OPHN1: variants seen among roughly 807,000 people sequenced by gnomAD.
OPHN1 encodes oligophrenin-1.
OPHN1 carries 11 observed loss-of-function variants against 60.7 expected under a neutral mutation model. That is an observed-to-expected ratio of 0.18 (90% CI 0.11 to 0.30). The LOEUF (loss-of-function observed/expected upper bound fraction) is 0.30. OPHN1 is among the 10% of genes least tolerant of loss of function. OPHN1 has a pLI of 1.00. For synonymous variants in OPHN1, 226 were observed against 222.6 expected (o/e 1.02, Z -0.14); for missense variants, 449 against 611.0 (o/e 0.73, Z 2.80).
chrX:68,115,839 C>T (rs1355260481), intron 16 of OPHN1, among the ~76,000 whole-genome samples: 4 of 111,952 alleles, frequency 3.6e-5, no homozygotes, highest in Non-Finnish European at 7.5e-5. Flanking sequence ...TGGCCTGTGA[C>T]ACAGCCCTCA....
intron 21 of OPHN1, among the ~76,000 whole-genome samples, chrX:68,061,871 G>A (rs1177113284): frequency 1.8e-5 from 2 of 111,439 alleles, no homozygotes; most frequent in Non-Finnish European, 3.8e-5. Context: ...TCCGCACACT[G>A]AATAGCTTTT....
chrX:68,171,236 T>A (rs2077389491), intron 15 of OPHN1, among the ~76,000 whole-genome samples: 1 of 110,815 alleles, frequency 9.0e-6, no homozygotes, highest in African/African-American at 3.3e-5. Context: ...ATGTAACTCA[T>A]AAATATATAT....
At chrX:68,423,314 C>T (rs1352395147) in intron 2 of OPHN1, among the ~76,000 whole-genome samples, 1 of 111,757 alleles carries the variant, frequency 8.9e-6, no homozygotes, top group Non-Finnish European at 1.9e-5. Context: ...CATGAGCCAC[C>T]GCGCCCAGCC....
At chrX:68,205,449 A>AAAT (rs758442874) in intron 10 of OPHN1, among the ~76,000 whole-genome samples, 10,120 of 109,081 alleles carry the variant, frequency 0.093, 1,326 homozygotes, top group African/African-American at 0.33. Flanking sequence ...GCTCCATCGC[A>AAAT]AATAATAATA....
At chrX:68,258,311 C>T (rs2077874761) in intron 5 of OPHN1, among the ~76,000 whole-genome samples, 1 of 106,133 alleles carries the variant, frequency 9.4e-6, no homozygotes, top group South Asian at 4.4e-4. Context: ...AGGTTAGTTC[C>T]ATATGTATAC....
chrX:68,206,532 A>T, intron 10 of OPHN1, 41 bp downstream of exon 10: 1 of 957,838 alleles, frequency 1.0e-6, no homozygotes, highest in Non-Finnish European at 1.5e-6. Flanking sequence ...AGAAACAGTC[A>T]TAGATCCATT....
intron 5 of OPHN1, among the ~76,000 whole-genome samples, chrX:68,267,933 G>C (rs1029117582): frequency 8.9e-6 from 1 of 111,873 alleles, no homozygotes; most frequent in Non-Finnish European, 1.9e-5. Context: ...AGAAAATCTA[G>C]AAGAAATGGA....
intron 8 of OPHN1, 67 bp from the exon 9 acceptor site, chrX:68,210,349 CA>C (rs2077579326): frequency 1.8e-6 from 2 of 1,086,601 alleles, no homozygotes; most frequent in Admixed American, 2.4e-5. Flanking sequence ...ATTTCTTGGT[CA>C]GAGACTCAGT....
chrX:68,211,653 G>C (rs1039438583), intron 8 of OPHN1, among the ~76,000 whole-genome samples: 1 of 112,394 alleles, frequency 8.9e-6, no homozygotes. Context: ...AAAGAAGGTA[G>C]AGAAAACCTT....
At chrX:68,217,660 C>G (rs1201399520) in intron 6 of OPHN1, among the ~76,000 whole-genome samples, 1 of 110,638 alleles carries the variant, frequency 9.0e-6, no homozygotes, top group Non-Finnish European at 1.9e-5. Flanking sequence ...CACCCCCCAG[C>G]AGGGACATAC....
intron 2 of OPHN1, among the ~76,000 whole-genome samples, chrX:68,350,413 TTC>T (rs1309770080): frequency 3.9e-5 from 4 of 103,531 alleles, no homozygotes; most frequent in Non-Finnish European, 5.9e-5. Context: ...TCCTTTTTCT[TTC>T]TCTCTCCCCT....
intron 15 of OPHN1, among the ~76,000 whole-genome samples, chrX:68,128,931 C>T (rs773605679): frequency 1.8e-5 from 2 of 111,286 alleles, no homozygotes; most frequent in African/African-American, 6.5e-5. Flanking sequence ...ACAATAAAAG[C>T]GGCATTTTAA....
chrX:68,301,016 C>T (rs1005653762), intron 2 of OPHN1, among the ~76,000 whole-genome samples: 2 of 111,828 alleles, frequency 1.8e-5, no homozygotes, highest in Non-Finnish European at 3.8e-5. Context: ...CTACAAAAGG[C>T]CTTGAAATTT....
chrX:68,046,494 T>G lies in OPHN1; in HGVS notation c.*678A>C, dbSNP rs769491615. 8.9e-6 allele frequency: 1 copy of G among 112,406 alleles called. No homozygotes were observed. Among genetic ancestry groups the G allele is most frequent in the South Asian group, 3.7e-4 (1 of 2,702 alleles). The allele number at this position is 112,406 out of a possible 1,213,427, so 9.3% of individuals were successfully genotyped here. On this transcript the variant is annotated 3_prime_UTR_variant, in exon 25 of 25. Transcript: ENST00000355520. Reference sequence around the variant, plus strand: ...CAAAACATGCTTTGCAGATTTGTCCTAAGTGGCTGCATGTAACAGCAGGAA... The same window carrying G: ...CAAAACATGCTTTGCAGATTTGTCCGAAGTGGCTGCATGTAACAGCAGGAA...
Position 68,167,621 on chromosome X carries a change from G to A in OPHN1, c.1276+25298C>T, listed in dbSNP as rs140852773. 2.8e-3 allele frequency among the ~76,000 whole-genome samples: 305 copies of A among 108,916 alleles called. 1 individual carries two copies. The highest frequency in any genetic ancestry group is 4.5e-3 in the Non-Finnish European group (234 of 52,293). 94.6% of individuals were successfully genotyped at this position (108,916 alleles called of 115,157 possible). A position where few individuals can be genotyped will look rare whatever the true frequency, so the allele number is the denominator to read the frequency against. ...CATGTATACATATCTGTATACATGC[G>A]CGCATGCATGCATATATATGCATAC... On this transcript the variant is annotated intron_variant, in intron 15 of 24. Coordinates refer to ENST00000355520, the MANE Select transcript of OPHN1 (RefSeq NM_002547.3).
intron 18 of OPHN1, among the ~76,000 whole-genome samples, chrX:68,100,538 T>C (rs1207912299): frequency 9.1e-6 from 1 of 110,309 alleles, no homozygotes; most frequent in East Asian, 2.9e-4. Context: ...AGATTGGCCA[T>C]GTGTTGATTA....
chrX:68,240,124 A>AC (rs1243427712), intron 5 of OPHN1, among the ~76,000 whole-genome samples: 1 of 112,260 alleles, frequency 8.9e-6, no homozygotes, highest in East Asian at 2.8e-4. Flanking sequence ...TTTCATTCTA[A>AC]CAGTATTAGT....
intron 2 of OPHN1, among the ~76,000 whole-genome samples, chrX:68,337,177 T>TTG (rs945109726): frequency 5.4e-5 from 6 of 111,449 alleles, no homozygotes; most frequent in Admixed American, 1.9e-4. Flanking sequence ...AAAGGTACAC[T>TTG]TGTTCCCTTC....
chrX:68,070,603 G>T, intron 20 of OPHN1: 1 of 683,727 alleles, frequency 1.5e-6, no homozygotes, highest in Non-Finnish European at 2.4e-6. Flanking sequence ...GTGCTCACAT[G>T]TCTGATTTTA....
Sources: allele counts gnomAD v4.1 joint callset (sites outside exome capture counted in the v4.1 genomes callset), GRCh38; gene constraint gnomAD v4.1.1; transcripts MANE v1.5; gene names NCBI Gene and HGNC (gene_info 2026-07-23, HGNC 2026-07-21).